CEP192: variants seen among roughly 807,000 people sequenced by gnomAD.
CEP192 encodes the protein centrosomal protein of 192 kDa.
A neutral mutation model predicts 271.8 loss-of-function variants in CEP192; 151 were observed. That is an observed-to-expected ratio of 0.56 (90% CI 0.49 to 0.64). The LOEUF (loss-of-function observed/expected upper bound fraction) is 0.64, where lower values mean the gene tolerates loss of function less well. CEP192 is among the 30% of genes least tolerant of loss of function. The probability of loss-of-function intolerance (pLI) is 0.00; values close to 1 mark genes in which losing one functional copy is unlikely to be tolerated. For missense variants in CEP192, 2,910 were observed against 3,020.5 expected, an observed-to-expected ratio of 0.96 and a Z score of 0.86; for synonymous variants, 995 against 1,076.5, an observed-to-expected ratio of 0.92 and a Z score of 1.48.
At chr18:13,095,424 C>T in intron 34 of CEP192, 79 bp from the exon 35 acceptor site, 1 of 1,019,216 alleles carries the variant, frequency 9.8e-7, no homozygotes, top group Admixed American at 2.3e-5. Flanking sequence ...ATATGTGATA[C>T]AATCTGGCCT....
At chr18:13,089,034 ATT>A (rs2039021417) in intron 32 of CEP192, 2 of 275,120 alleles carry the variant, frequency 7.3e-6, no homozygotes, top group Non-Finnish European at 1.5e-5. Flanking sequence ...AGAAATCTAC[ATT>A]TCAGTTTTCT....
rs1468044442 is a variant in CEP192, at chr18:13,124,903, A to C, written c.*133A>C. 1.4e-5 allele frequency: 10 copies of C among 733,366 alleles called. No homozygotes were observed. The highest frequency in any genetic ancestry group is 2.9e-5 in the Admixed American group (1 of 34,614). The allele number at this position is 733,366 out of a possible 1,614,324, so 45.4% of individuals were successfully genotyped here. A position where few individuals can be genotyped will look rare whatever the true frequency, so the allele number is the denominator to read the frequency against. On this transcript the variant is annotated 3_prime_UTR_variant, in exon 45 of 45. Coordinates refer to ENST00000506447, the MANE Select transcript of CEP192 (RefSeq NM_032142.4). ...CTATAATTGTAGATTTTGTTTTTACAAGCTAATACTGAAGACTCGACTGAA... is the reference window on the plus strand; with the variant it reads ...CTATAATTGTAGATTTTGTTTTTACCAGCTAATACTGAAGACTCGACTGAA...
chr18:13,037,902 T>G (rs929676937), intron 12 of CEP192, among the ~76,000 whole-genome samples: 3 of 152,214 alleles, frequency 2.0e-5, no homozygotes, highest in Admixed American at 2.0e-4. Context: ...TAATCCTGTT[T>G]GTTTTTTTAT....
chr18:13,068,785 C>A, intron 24 of CEP192, 67 bp from the exon 25 acceptor site: 1 of 1,572,730 alleles, frequency 6.4e-7, no homozygotes, highest in Non-Finnish European at 8.7e-7. Flanking sequence ...CTGTGTGGGA[C>A]TGCTGATGGC....
chr18:13,062,268 G>T lies in CEP192; in HGVS notation c.4488+2956G>T, dbSNP rs554329979. Among the ~76,000 whole-genome samples, 3 of 152,304 alleles carry T rather than the reference G, an allele frequency of 2.0e-5. No individual in the cohort carries two copies. The East Asian group carries it at 5.8e-4, about 29-fold the overall frequency. On this transcript the variant is annotated intron_variant, in intron 21 of 44. Transcript: ENST00000506447. ...GAACTAGAGGAATTAGGCCCTGATG[G>T]TTCAGTAGGATTTGACTAGAGAACA...
rs571306430 is a variant in CEP192, at chr18:13,021,015, G to T, written c.1050+1809G>T. On this transcript the variant is annotated intron_variant, in intron 9 of 44. Transcript: ENST00000506447. ...TTGCAAATTTTCCTCCCATTCTGTA[G>T]GTTGTCTTTTACTTTCTTGATATTG... 2.4e-4 allele frequency among the ~76,000 whole-genome samples: 36 copies of T among 152,142 alleles called. No individual in the cohort carries two copies. The South Asian group carries it at 5.4e-3, about 23-fold the overall frequency.
intron 38 of CEP192, among the ~76,000 whole-genome samples, chr18:13,102,653 C>G (rs998619961): frequency 1.1e-4 from 17 of 152,224 alleles, no homozygotes. Flanking sequence ...CTTTGGAGGA[C>G]TTCTCCGTGC....
At position 13,071,203 on chromosome 18, in the gene CEP192, G is replaced by T. The variant is rs2037994034; in HGVS notation, c.5339G>T (p.Gly1780Val). 6.2e-7 allele frequency: 1 copy of T among 1,613,060 alleles called. No homozygotes were observed. The highest frequency in any genetic ancestry group is 8.5e-7 in the Non-Finnish European group (1 of 1,179,334). ...CTGGCTTGGGGAGGAGTCCCTCTAG[G>T]TAGAACACAGTAAGTGTCAAAGACT... ...QFLAWGGVPL[G>V]RTQLQKLALR... is the part of the protein sequence containing the mutation. The change falls in exon 28 of 45, where the codon GGT (glycine) becomes GTT (valine). Residue 1780 changes from glycine (G) to valine (V), a missense_variant. Physicochemically the swap from Gly to Val is moderately radical, Grantham distance 109. Transcript: ENST00000506447.
chr18:13,058,987 TTGAG>T (rs1218911845), intron 20 of CEP192, 91 bp from the exon 21 acceptor site: 4 of 793,622 alleles, frequency 5.0e-6, no homozygotes, highest in Admixed American at 2.1e-5. Context: ...ATTTGGCAGT[TTGAG>T]TGATTGGGAA....
rs1354278376 is a variant in CEP192 at position 13,087,047 on chromosome 18, A to G, written c.5647A>G (p.Asn1883Asp). 1.9e-6 allele frequency: 3 copies of G among 1,612,278 alleles called. No individual in the cohort carries two copies. Among genetic ancestry groups the G allele is most frequent in the African/African-American group, 1.3e-5 (1 of 74,904 alleles). The change falls in exon 31 of 45, where the codon AAT (asparagine) becomes GAT (aspartate). Residue 1883 changes from asparagine to aspartate, a missense_variant. By Grantham distance (23) the Asn-to-Asp change is conservative. Transcript: ENST00000506447. ...IPLSGYGGTS[N>D]LILEGVKKLS... is the part of the protein sequence containing the mutation. ...TTTGTCTGGATATGGAGGAACAAGCAATCTTATTTTGGAAGGCGTTAAAAA... is the reference window on the plus strand; with the variant it reads ...TTTGTCTGGATATGGAGGAACAAGCGATCTTATTTTGGAAGGCGTTAAAAA...
chr18:13,009,103 C>T (rs935661986), intron 4 of CEP192, among the ~76,000 whole-genome samples: 2 of 151,348 alleles, frequency 1.3e-5, no homozygotes, highest in African/African-American at 2.4e-5. Context: ...AGCAATTCAC[C>T]CTCCTCAGCT....
chr18:13,024,966 T>C (rs1299007556), intron 9 of CEP192, among the ~76,000 whole-genome samples: 4 of 150,844 alleles, frequency 2.7e-5, no homozygotes, highest in African/African-American at 9.8e-5. Context: ...GAGATGGAGT[T>C]TCACCACGTT....
chr18:13,039,709 G>A (rs1275846627), intron 13 of CEP192, among the ~76,000 whole-genome samples: 1 of 152,108 alleles, frequency 6.6e-6, no homozygotes, highest in African/African-American at 2.4e-5. Flanking sequence ...AGATGAACTG[G>A]GAGGAAGTGC....
chr18:13,063,081 G>A (rs183129522), intron 21 of CEP192, among the ~76,000 whole-genome samples: 2 of 152,226 alleles, frequency 1.3e-5, no homozygotes, highest in Admixed American at 6.5e-5. Flanking sequence ...TGGCTGAATC[G>A]TACTCCATTG....
intron 9 of CEP192, among the ~76,000 whole-genome samples, chr18:13,027,558 T>C (rs1466796681): frequency 1.3e-5 from 2 of 152,174 alleles, no homozygotes; most frequent in East Asian, 3.9e-4. Context: ...TATTTGCCTG[T>C]CTCTCCAGTT....
intron 6 of CEP192, among the ~76,000 whole-genome samples, chr18:13,016,169 T>C (rs1302721719): frequency 1.3e-5 from 2 of 152,106 alleles, no homozygotes; most frequent in Non-Finnish European, 2.9e-5. Flanking sequence ...CTGGGAATTA[T>C]AGGGGGTGAG....
intron 6 of CEP192, among the ~76,000 whole-genome samples, chr18:13,016,767 G>A (rs1158587900): frequency 6.6e-6 from 1 of 152,054 alleles, no homozygotes; most frequent in Non-Finnish European, 1.5e-5. Flanking sequence ...AACTCCTACA[G>A]TGGCCTTTCT....
intron 1 of CEP192, among the ~76,000 whole-genome samples, chr18:12,995,109 T>C (rs1271027356): frequency 7.0e-6 from 1 of 141,998 alleles, no homozygotes; most frequent in Non-Finnish European, 1.5e-5. Context: ...TCGCCCAGGC[T>C]GGAGTACAGT....
rs1323102559 is a variant in CEP192 at position 13,048,779 on chromosome 18, C to A, written c.2068-80C>A. On this transcript the variant is annotated intron_variant, in intron 15 of 44. Transcript: ENST00000506447. ...TCCACTTGGAGGTTTTGAAACGCAT[C>A]TCCCAATGATAATGGGGGACTAATG... 3 of 932,732 alleles carry A rather than the reference C, an allele frequency of 3.2e-6. No individual in the cohort carries two copies. The East Asian group carries it at 7.5e-5, about 23-fold the overall frequency. 57.8% of individuals were successfully genotyped at this position (932,732 alleles called of 1,614,324 possible). A position where few individuals can be genotyped will look rare whatever the true frequency, so the allele number is the denominator to read the frequency against.
Sources: allele counts gnomAD v4.1 joint callset (sites outside exome capture counted in the v4.1 genomes callset), GRCh38; gene constraint gnomAD v4.1.1; transcripts MANE v1.5; gene names NCBI Gene and HGNC (gene_info 2026-07-23, HGNC 2026-07-21).